GSE1: variants seen among roughly 807,000 people sequenced by gnomAD.
The protein encoded by GSE1 is genetic suppressor element 1.
Under a neutral mutation model 112.6 loss-of-function variants are expected in GSE1, and 32 were observed. The observed-to-expected ratio is 0.28, with a 90% CI of 0.21 to 0.38. GSE1 has a LOEUF of 0.38. GSE1 is among the 10% of genes least tolerant of loss of function. GSE1 has a pLI of 1.00. For synonymous variants in GSE1, 1,115 were observed against 735.6 expected (o/e 1.52, Z -8.35); for missense variants, 2,348 against 1,699.2 (o/e 1.38, Z -6.71).
intron 1 of GSE1, among the ~76,000 whole-genome samples, chr16:85,281,407 C>G (rs892801887): frequency 6.6e-6 from 1 of 152,054 alleles, no homozygotes; most frequent in Non-Finnish European, 1.5e-5. Flanking sequence ...CACAGCAGCT[C>G]TCCAAAGGAG....
chr16:85,670,264 TGTC>T (rs1299674801), intron 14 of GSE1, among the ~76,000 whole-genome samples: 1 of 152,208 alleles, frequency 6.6e-6, no homozygotes, highest in Non-Finnish European at 1.5e-5. Flanking sequence ...TTTGTCTGAT[TGTC>T]TTGTCACTCC....
At chr16:85,613,155 A>C, upstream of GSE1, 1 of 1,301,622 alleles carries the variant, frequency 7.7e-7, no homozygotes, top group Non-Finnish European at 1.0e-6. Context: ...CCGCTGGCTG[A>C]GGTCAGGGAG....
intron 2 of GSE1, among the ~76,000 whole-genome samples, chr16:85,523,802 C>T (rs1284709636): frequency 6.6e-6 from 1 of 152,236 alleles, no homozygotes; most frequent in African/African-American, 2.4e-5. Context: ...GAGGGGCTGG[C>T]CCTCAGGCGC....
At chr16:85,403,059 G>A (rs1255324740) in intron 2 of GSE1, among the ~76,000 whole-genome samples, 1 of 150,152 alleles carries the variant, frequency 6.7e-6, no homozygotes, top group East Asian at 2.0e-4. Context: ...GGCTGGGGAA[G>A]GATCTACTCC....
intron 8 of GSE1, among the ~76,000 whole-genome samples, chr16:85,659,072 T>C (rs1011205414): frequency 6.6e-5 from 10 of 152,254 alleles, no homozygotes; most frequent in Admixed American, 5.2e-4. Context: ...TTTATTCTCC[T>C]GCAGGTTTCA....
intron 1 of GSE1, among the ~76,000 whole-genome samples, chr16:85,598,814 C>T (rs936199558): frequency 6.6e-6 from 1 of 152,246 alleles, no homozygotes; most frequent in African/African-American, 2.4e-5. Context: ...GCGGCCCCCT[C>T]GTCCGTTCTG....
In GSE1 at chr16:85,652,288, G is replaced by C. The variant is rs144149742; in HGVS notation, c.427-1990G>C. ...AGGATGGCCAGGTCTCCCAAGGTCAGGTTGGCCCCTCGGCCACTCCCCCAC... is the reference window on the plus strand; with the variant it reads ...AGGATGGCCAGGTCTCCCAAGGTCACGTTGGCCCCTCGGCCACTCCCCCAC... On this transcript the variant is annotated intron_variant, in intron 3 of 15. Transcript: ENST00000253458. Among the ~76,000 whole-genome samples, 643 of 152,372 alleles carry C rather than the reference G, an allele frequency of 4.2e-3. 4 individuals carry two copies. Among genetic ancestry groups the C allele is most frequent in the African/African-American group, 0.015 (615 of 41,592 alleles).
At chr16:85,192,991 A>G (rs1028479144) in intron 1 of GSE1, among the ~76,000 whole-genome samples, 2 of 152,136 alleles carry the variant, frequency 1.3e-5, no homozygotes, top group Non-Finnish European at 2.9e-5. Flanking sequence ...GGGCTGTTGG[A>G]GGGGGCTGGG....
intron 2 of GSE1, among the ~76,000 whole-genome samples, chr16:85,450,501 G>A (rs912852748): frequency 6.6e-6 from 1 of 151,458 alleles, no homozygotes; most frequent in African/African-American, 2.4e-5. Flanking sequence ...TCAGGCTGGA[G>A]TGCAGTGGCC....
rs1164289787 is a variant in GSE1, at chr16:85,648,644, C to T, written c.319C>T (p.Pro107Ser). The change falls in exon 3 of 16, where the codon CCT (proline) becomes TCT (serine). Residue 107 changes from proline to serine, a missense_variant. By Grantham distance (74) the Pro-to-Ser change is moderately conservative. Coordinates refer to ENST00000253458, the MANE Select transcript of GSE1 (RefSeq NM_014615.5). Reference sequence around the variant, plus strand: ...CACACCCAAGCGCGTGCCCATGGGCCCTATCATCGTCCCCCCTGGGGGCCA... The same window carrying T: ...CACACCCAAGCGCGTGCCCATGGGCTCTATCATCGTCCCCCCTGGGGGCCA... ...ASTPKRVPMG[P>S]IIVPPGGHSV... The T allele has an allele frequency of 2.5e-6, 4 of 1,600,466 alleles. No individual in the cohort carries two copies. The highest frequency in any genetic ancestry group is 3.4e-6 in the Non-Finnish European group (4 of 1,169,968).
intron 2 of GSE1, among the ~76,000 whole-genome samples, chr16:85,361,832 T>C (rs573858759): frequency 6.0e-4 from 92 of 152,130 alleles, no homozygotes; most frequent in Admixed American, 6.5e-4. Context: ...GTGATGAGTT[T>C]GGTAACACTG....
chr16:85,644,192 A>G (rs2050668909), intron 2 of GSE1, among the ~76,000 whole-genome samples: 1 of 152,032 alleles, frequency 6.6e-6, no homozygotes, highest in Admixed American at 6.5e-5. Flanking sequence ...ACAAAAAACT[A>G]GCCGGGCCTG....
intron 2 of GSE1, chr16:85,490,831 A>G (rs1431616842): frequency 1.3e-5 from 2 of 152,342 alleles, no homozygotes; most frequent in East Asian, 3.9e-4. Context: ...CTTTAATCAC[A>G]TTTGTATCCA....
intron 1 of GSE1, among the ~76,000 whole-genome samples, chr16:85,273,171 C>G (rs1265535875): frequency 1.3e-5 from 2 of 152,234 alleles, no homozygotes; most frequent in African/African-American, 4.8e-5. Context: ...CCCAGGCCAA[C>G]TACTTGGCCT....
intron 2 of GSE1, among the ~76,000 whole-genome samples, chr16:85,476,167 A>G (rs1256337258): frequency 6.6e-6 from 1 of 152,212 alleles, no homozygotes; most frequent in African/African-American, 2.4e-5. Context: ...GCTGAGCTCA[A>G]GTGATCCTCC....
intron 2 of GSE1, among the ~76,000 whole-genome samples, chr16:85,476,724 G>A (rs556839189): frequency 1.3e-5 from 2 of 151,118 alleles, no homozygotes; most frequent in South Asian, 2.1e-4. Flanking sequence ...TCTTCCCACC[G>A]CAGCCTCCCC....
chr16:85,332,613 C>A (rs539126480), intron 1 of GSE1, among the ~76,000 whole-genome samples: 1 of 152,166 alleles, frequency 6.6e-6, no homozygotes, highest in South Asian at 2.1e-4. Context: ...CCGCACTGCT[C>A]TCTGCGGACC....
intron 2 of GSE1, among the ~76,000 whole-genome samples, chr16:85,415,561 C>T (rs1250656474): frequency 6.6e-6 from 1 of 152,236 alleles, no homozygotes; most frequent in Non-Finnish European, 1.5e-5. Flanking sequence ...CAGCCCCCGT[C>T]CCCTACCAGC....
At chr16:85,227,736 A>G (rs1057209667) in intron 1 of GSE1, among the ~76,000 whole-genome samples, 7 of 152,192 alleles carry the variant, frequency 4.6e-5, no homozygotes, top group African/African-American at 1.7e-4. Flanking sequence ...GCTCTGGAGC[A>G]CCCACCATAG....
Sources: gnomAD v4.1 joint callset for allele counts (sites outside exome capture counted in the v4.1 genomes callset) on GRCh38, gnomAD v4.1.1 for gene constraint, MANE v1.5 for transcripts, NCBI Gene and HGNC (gene_info 2026-07-23, HGNC 2026-07-21) for gene names.